SYNPO2: variants seen among roughly 807,000 people sequenced by gnomAD.
SYNPO2 encodes the protein synaptopodin-2.
Under a neutral mutation model 85.0 loss-of-function variants are expected in SYNPO2, and 56 were observed. The ratio of observed to expected loss-of-function variants is 0.66; its 90% confidence interval spans 0.53 to 0.82. SYNPO2 has a LOEUF of 0.82. SYNPO2 is among the 40% of genes least tolerant of loss of function. The probability of loss-of-function intolerance (pLI) is 0.00; values close to 1 mark genes in which losing one functional copy is unlikely to be tolerated. For missense variants in SYNPO2, 1,575 were observed against 1,534.2 expected, an observed-to-expected ratio of 1.03 and a Z score of -0.44; for synonymous variants, 602 against 591.1, an observed-to-expected ratio of 1.02 and a Z score of -0.27.
At chr4:119,027,630 C>T (rs1324116888) in intron 3 of SYNPO2, among the ~76,000 whole-genome samples, 192 bp downstream of exon 3, 2 of 152,030 alleles carry the variant, frequency 1.3e-5, no homozygotes, top group Admixed American at 6.5e-5. Flanking sequence ...GCAATAAGTC[C>T]GAACTTCATA....
At chr4:118,910,293 AGAAT>A (rs1733092763) in intron 1 of SYNPO2, among the ~76,000 whole-genome samples, 1 of 152,214 alleles carries the variant, frequency 6.6e-6, no homozygotes, top group African/African-American at 2.4e-5. Flanking sequence ...GAATGAAGGG[AGAAT>A]GAGATCAGTC....
At position 119,014,175 on chromosome 4, in the gene SYNPO2, C is replaced by A. The variant is rs533961893; in HGVS notation, c.106-9255C>A. 5.3e-5 allele frequency among the ~76,000 whole-genome samples: 8 copies of A among 152,312 alleles called. No individual in the cohort carries two copies. In the East Asian group the frequency reaches 1.5e-3, roughly 29 times the overall value. ...CGGTGGCTCACACCTGTAATCCCAG[C>A]ACTTTGGGAGGCCAAGGAGGGTGGA... is the stretch of plus-strand genomic sequence containing the variant. On this transcript the variant is annotated intron_variant, in intron 1 of 4. Transcript: ENST00000307142.
chr4:118,989,642 T>A (rs1055265356), intron 1 of SYNPO2, among the ~76,000 whole-genome samples: 5 of 152,264 alleles, frequency 3.3e-5, no homozygotes, highest in African/African-American at 1.2e-4. Flanking sequence ...ATGTGTCATA[T>A]AGTCATGCTT....
intron 1 of SYNPO2, among the ~76,000 whole-genome samples, chr4:119,012,091 T>G (rs1272661690): frequency 6.6e-6 from 1 of 151,934 alleles, no homozygotes; most frequent in Non-Finnish European, 1.5e-5. Flanking sequence ...TCTGGCTAAT[T>G]TTTGTATTTT....
intron 1 of SYNPO2, among the ~76,000 whole-genome samples, chr4:118,909,137 G>A (rs555319311): frequency 2.0e-5 from 3 of 152,014 alleles, no homozygotes; most frequent in South Asian, 2.1e-4. Context: ...ATGTACCCTC[G>A]AACATCCTTG....
At chr4:118,982,204 G>A (rs576708212) in intron 1 of SYNPO2, among the ~76,000 whole-genome samples, 1 of 152,012 alleles carries the variant, frequency 6.6e-6, no homozygotes. Flanking sequence ...AGGCAGGCGC[G>A]CTGTAAACCA....
At chr4:118,948,177 A>C (rs1734568532) in intron 1 of SYNPO2, among the ~76,000 whole-genome samples, 1 of 152,222 alleles carries the variant, frequency 6.6e-6, no homozygotes, top group East Asian at 1.9e-4. Flanking sequence ...AAAGATGAAA[A>C]ATTTTAATTA....
chr4:118,879,824 G>A (rs114408822), intron 1 of SYNPO2, among the ~76,000 whole-genome samples: 1 of 152,148 alleles, frequency 6.6e-6, no homozygotes, highest in South Asian at 2.1e-4. Flanking sequence ...TGTGGCTGAA[G>A]AATGTTGGCG....
At chr4:119,037,763 A>G (rs1298358180) in intron 4 of SYNPO2, 8 of 469,440 alleles carry the variant, frequency 1.7e-5, no homozygotes, top group Admixed American at 6.4e-5. Context: ...TGTGCTGAGT[A>G]TCTTTCACAG....
rs535299507 is a variant in SYNPO2, at chr4:118,977,969, G to A, written c.106-45461G>A. Among the ~76,000 whole-genome samples, 214 of 152,212 alleles carry A rather than the reference G, an allele frequency of 1.4e-3. 2 individuals are homozygous for A. Among genetic ancestry groups the A allele is most frequent in the African/African-American group, 5.0e-3 (206 of 41,506 alleles). On this transcript the variant is annotated intron_variant, in intron 1 of 4. Coordinates refer to ENST00000307142, the MANE Select transcript of SYNPO2 (RefSeq NM_133477.3). ...GCCAAGTGAGTGAACCCAGCAAATA[G>A]GACCTCATATATAGTCCAACATAGT...
chr4:119,031,446 G>A lies in SYNPO2; in HGVS notation c.2671G>A (p.Asp891Asn). The change falls in exon 4 of 5, where the codon GAC (aspartate) becomes AAC (asparagine). Residue 891 changes from aspartate (D) to asparagine (N), a missense_variant. Coordinates refer to ENST00000307142, the MANE Select transcript of SYNPO2 (RefSeq NM_133477.3). ...SRMEKYVVDS[D>N]TVQAHAARAQ... Reference sequence around the variant, plus strand: ...AATGGAGAAGTATGTGGTCGATTCAGACACGGTGCAGGCCCACGCTGCTCG... The same window carrying A: ...AATGGAGAAGTATGTGGTCGATTCAAACACGGTGCAGGCCCACGCTGCTCG... 3 of 1,614,044 alleles carry A rather than the reference G, an allele frequency of 1.9e-6. No homozygotes were observed. The highest frequency in any genetic ancestry group is 4.5e-5 in the East Asian group (2 of 44,888).
At chr4:118,908,055 A>C (rs184109834) in intron 1 of SYNPO2, among the ~76,000 whole-genome samples, 5 of 152,300 alleles carry the variant, frequency 3.3e-5, no homozygotes, top group Admixed American at 3.3e-4. Flanking sequence ...GGTTATTTCT[A>C]ATTTTTAACC....
chr4:119,047,755 A>AT (rs1291454288), intron 4 of SYNPO2, among the ~76,000 whole-genome samples: 2 of 152,218 alleles, frequency 1.3e-5, no homozygotes, highest in African/African-American at 4.8e-5. Flanking sequence ...CTATGCAGAA[A>AT]TTTTTTCCAG....
chr4:118,905,006 A>T (rs1732886126), intron 1 of SYNPO2, among the ~76,000 whole-genome samples: 1 of 152,256 alleles, frequency 6.6e-6, no homozygotes, highest in East Asian at 1.9e-4. Context: ...GGCCTGCCAG[A>T]TGGGGAAATG....
chr4:118,899,887 G>A (rs1732663554), intron 1 of SYNPO2, among the ~76,000 whole-genome samples: 1 of 152,040 alleles, frequency 6.6e-6, no homozygotes, highest in Non-Finnish European at 1.5e-5. Context: ...TCAGCCTCCT[G>A]AGTAGCTGGG....
At chr4:118,872,119 A>AT (rs919438186) in intron 1 of SYNPO2, among the ~76,000 whole-genome samples, 1 of 152,026 alleles carries the variant, frequency 6.6e-6, no homozygotes, top group Non-Finnish European at 1.5e-5. Context: ...CTTATTAGGT[A>AT]TTTTTTTTCT....
intron 1 of SYNPO2, among the ~76,000 whole-genome samples, chr4:119,013,441 G>T (rs1404336382): frequency 6.6e-6 from 1 of 152,170 alleles, no homozygotes; most frequent in Non-Finnish European, 1.5e-5. Context: ...TGAATTGCAA[G>T]CCATACTAGC....
chr4:118,993,264 T>TA (rs900419603), intron 1 of SYNPO2, among the ~76,000 whole-genome samples: 8 of 151,194 alleles, frequency 5.3e-5, no homozygotes, highest in East Asian at 1.9e-4. Context: ...TTATTCTCTT[T>TA]AAAAAAAAAT....
intron 1 of SYNPO2, among the ~76,000 whole-genome samples, chr4:118,931,835 G>C (rs962115606): frequency 5.9e-5 from 9 of 152,166 alleles, no homozygotes; most frequent in Non-Finnish European, 1.0e-4. Flanking sequence ...TATAGGGACT[G>C]CCTTACACAT....
Sources: gnomAD v4.1 joint callset for allele counts (sites outside exome capture counted in the v4.1 genomes callset) on GRCh38, gnomAD v4.1.1 for gene constraint, MANE v1.5 for transcripts, NCBI Gene and HGNC (gene_info 2026-07-23, HGNC 2026-07-21) for gene names.